The following LDB2 variants were observed in gnomAD, a reference collection of about 807,000 sequenced individuals.
The protein encoded by LDB2 is LIM domain binding 2, also known as LIM domain-binding protein 2.
LDB2 carries 12 observed loss-of-function variants against 44.3 expected under a neutral mutation model. The ratio of observed to expected loss-of-function variants is 0.27; its 90% CI spans 0.17 to 0.44. The LOEUF (loss-of-function observed/expected upper bound fraction) is 0.44. LDB2 is among the 20% of genes least tolerant of loss of function. LDB2 has a pLI of 1.00. For missense variants in LDB2, 344 were observed against 473.5 expected (o/e 0.73, Z 2.54); for synonymous variants, 164 against 174.8 (o/e 0.94, Z 0.49).
rs555517398 is a variant in LDB2 at position 16,533,316 on chromosome 4, T to A, written c.616-21212A>T. ...CTAGTCTGAGGTTAAGGATCCCACT[T>A]CTAAAGTTAAAAAACCATTCATGTC... is the stretch of plus-strand genomic sequence containing the variant. On this transcript the variant is annotated intron_variant, in intron 5 of 7. Coordinates refer to ENST00000304523, the MANE Select transcript of LDB2 (RefSeq NM_001290.5). This position sits in a 1 kb window ranked among gnomAD's most constrained non-coding sequence, Gnocchi z 4.1. Among the ~76,000 whole-genome samples the A allele has an allele frequency of 5.0e-4, 76 of 152,268 alleles. No homozygotes were observed. The highest frequency in any genetic ancestry group is 2.0e-3 in the Admixed American group (30 of 15,292).
chr4:16,595,225 C>A (rs1578088120), intron 3 of LDB2, among the ~76,000 whole-genome samples: 1 of 152,082 alleles, frequency 6.6e-6, no homozygotes, highest in African/African-American at 2.4e-5. Flanking sequence ...TCCCTAATTT[C>A]ATTGACATTT....
intron 2 of LDB2, among the ~76,000 whole-genome samples, chr4:16,629,604 G>A (rs1731301534): frequency 6.6e-6 from 1 of 151,972 alleles, no homozygotes; most frequent in Admixed American, 6.6e-5. Flanking sequence ...AAAAACAGAA[G>A]TAGGCTTCAG....
intron 1 of LDB2, among the ~76,000 whole-genome samples, chr4:16,808,100 G>T (rs1165905323): frequency 6.6e-6 from 1 of 151,824 alleles, no homozygotes; most frequent in African/African-American, 2.4e-5. Context: ...CATTAAAAAG[G>T]AAAAAAAGAA....
intron 2 of LDB2, among the ~76,000 whole-genome samples, chr4:16,635,858 A>G (rs151042426): frequency 0.014 from 2,106 of 152,276 alleles, 30 homozygotes; most frequent in South Asian, 0.044. Flanking sequence ...ATTCCAGGTC[A>G]GGGCTCACGG....
intron 2 of LDB2, among the ~76,000 whole-genome samples, chr4:16,756,009 A>T (rs1031738286): frequency 1.4e-4 from 21 of 152,200 alleles, no homozygotes; most frequent in Non-Finnish European, 3.1e-4. Context: ...AGGGGAGTGA[A>T]GGGCTTAAGA....
At chr4:16,603,179 G>A (rs1723014807) in intron 2 of LDB2, among the ~76,000 whole-genome samples, 1 of 152,220 alleles carries the variant, frequency 6.6e-6, no homozygotes, top group South Asian at 2.1e-4. Flanking sequence ...GAAGTCCAGA[G>A]CAATGGAGAC....
At chr4:16,821,489 T>C (rs1782002018) in intron 1 of LDB2, among the ~76,000 whole-genome samples, 2 of 150,940 alleles carry the variant, frequency 1.3e-5, no homozygotes, top group South Asian at 4.2e-4. Flanking sequence ...GTTCACGCCA[T>C]TCTCCTGCCT....
In LDB2 at chr4:16,569,381, G is replaced by T. The variant is rs192413512; in HGVS notation, c.615+16541C>A. Among the ~76,000 whole-genome samples the T allele has an allele frequency of 7.9e-5, 12 of 152,300 alleles. No individual in the cohort carries two copies. In the East Asian group the frequency reaches 2.3e-3, roughly 29 times the overall value. ...TTAGAAATTAGGCTTGAAGAGAAGA[G>T]AGAGGAATTAGCTGCTTCTTGAGTA... On this transcript the variant is annotated intron_variant, in intron 5 of 7. Coordinates refer to ENST00000304523, the MANE Select transcript of LDB2 (RefSeq NM_001290.5).
intron 2 of LDB2, among the ~76,000 whole-genome samples, chr4:16,696,378 G>A (rs952194771): frequency 8.5e-5 from 13 of 152,094 alleles, no homozygotes; most frequent in African/African-American, 2.7e-4. Flanking sequence ...CACTAATGAC[G>A]ATTATATTAG....
At chr4:16,864,125 C>G (rs1713791160) in intron 1 of LDB2, among the ~76,000 whole-genome samples, 1 of 152,106 alleles carries the variant, frequency 6.6e-6, no homozygotes, top group Admixed American at 6.5e-5. Flanking sequence ...AGAGAAAAAC[C>G]ACCACCGCCA....
At chr4:16,521,913 GA>G (rs1434610276) in intron 5 of LDB2, among the ~76,000 whole-genome samples, 1 of 152,144 alleles carries the variant, frequency 6.6e-6, no homozygotes, top group African/African-American at 2.4e-5. Flanking sequence ...CAAGATGAAG[GA>G]CTTTGGGTGT....
At position 16,535,710 on chromosome 4, in the gene LDB2, G is replaced by T. The variant is rs147652315; in HGVS notation, c.616-23606C>A. On this transcript the variant is annotated intron_variant, in intron 5 of 7. Coordinates refer to ENST00000304523, the MANE Select transcript of LDB2 (RefSeq NM_001290.5). ...TGCTGGACAATAATAGTAAACAATA[G>T]TAGTAGCACTTACTGAATGCTTTCA... 7.5e-4 allele frequency among the ~76,000 whole-genome samples: 115 copies of T among 152,322 alleles called. 1 individual carries two copies. The East Asian group carries it at 0.012, about 16-fold the overall frequency.
intron 2 of LDB2, among the ~76,000 whole-genome samples, chr4:16,635,867 G>A (rs1217854980): frequency 1.3e-5 from 2 of 152,082 alleles, no homozygotes; most frequent in South Asian, 2.1e-4. Flanking sequence ...CAGGGCTCAC[G>A]GTCTATAGTA....
At chr4:16,684,273 G>A (rs1578758272) in intron 2 of LDB2, among the ~76,000 whole-genome samples, 2 of 152,166 alleles carry the variant, frequency 1.3e-5, no homozygotes, top group Admixed American at 6.5e-5. Flanking sequence ...GTCATGACTC[G>A]AAGCAAGCTA....
intron 2 of LDB2, among the ~76,000 whole-genome samples, chr4:16,672,678 A>G (rs1370635627): frequency 1.3e-5 from 2 of 152,150 alleles, no homozygotes; most frequent in African/African-American, 4.8e-5. Context: ...ACATCAATGG[A>G]AACAGGGCCT....
At position 16,502,888 on chromosome 4, in the gene LDB2, T is replaced by A; in HGVS notation, c.892-15A>T. 1.2e-6 allele frequency: 2 copies of A among 1,612,760 alleles called. No homozygotes were observed. The highest frequency in any genetic ancestry group is 1.7e-6 in the Non-Finnish European group (2 of 1,178,836). Reference sequence around the variant, plus strand: ...ACCATCACATCCTGTGAACAGCAGCTGACATTATTACAGGGAAACCTTGGG... The same window carrying A: ...ACCATCACATCCTGTGAACAGCAGCAGACATTATTACAGGGAAACCTTGGG... On this transcript the variant is annotated splice_polypyrimidine_tract_variant and intron_variant, in intron 7 of 7. Transcript: ENST00000304523.
chr4:16,692,491 C>A (rs1578825568), intron 2 of LDB2, among the ~76,000 whole-genome samples: 1 of 152,086 alleles, frequency 6.6e-6, no homozygotes, highest in Non-Finnish European at 1.5e-5. Flanking sequence ...GGTACTGGTG[C>A]CCTGAACATG....
At chr4:16,866,378 T>A (rs2110306804) in intron 1 of LDB2, among the ~76,000 whole-genome samples, 1 of 152,368 alleles carries the variant, frequency 6.6e-6, no homozygotes, top group East Asian at 1.9e-4. Context: ...TTTATGTTAC[T>A]TTATTAATTT....
intron 1 of LDB2, among the ~76,000 whole-genome samples, chr4:16,841,572 C>G (rs987898069): frequency 2.0e-5 from 3 of 152,136 alleles, no homozygotes; most frequent in African/African-American, 7.2e-5. Flanking sequence ...CGAAGGCAAC[C>G]AACACATAGA....
Sources: gnomAD v4.1 joint callset for allele counts (sites outside exome capture counted in the v4.1 genomes callset) on GRCh38, gnomAD v4.1.1 for gene constraint, Gnocchi (gnomAD v3.1) non-coding constraint, MANE v1.5 for transcripts, NCBI Gene and HGNC (gene_info 2026-07-23, HGNC 2026-07-21) for gene names.